ZNRF3: variants seen among roughly 807,000 people sequenced by gnomAD.
ZNRF3 encodes zinc and ring finger 3.
Under a neutral mutation model 72.5 loss-of-function variants are expected in ZNRF3, and 23 were observed. The ratio of observed to expected loss-of-function variants is 0.32; its 90% CI spans 0.23 to 0.45. The LOEUF (loss-of-function observed/expected upper bound fraction) is 0.45, where lower values mean the gene tolerates loss of function less well. Among genes scored for constraint, ZNRF3 ranks in the 20% least tolerant of loss-of-function variants. ZNRF3 has a pLI of 1.00. For synonymous variants in ZNRF3, 610 were observed against 545.3 expected (o/e 1.12, Z -1.65); for missense variants, 1,169 against 1,272.1 (o/e 0.92, Z 1.23).
At chr22:28,995,737 T>G (rs1398768650) in intron 2 of ZNRF3, among the ~76,000 whole-genome samples, 1 of 151,952 alleles carries the variant, frequency 6.6e-6, no homozygotes, top group Admixed American at 6.6e-5. Flanking sequence ...GTAGGGATTC[T>G]CAAGGTCTTT....
At chr22:28,917,321 G>A (rs1317904586) in intron 1 of ZNRF3, 14 of 529,202 alleles carry the variant, frequency 2.6e-5, no homozygotes, top group Non-Finnish European at 2.9e-5. Flanking sequence ...AGGTATGTGT[G>A]CTCTTGAGAG....
At chr22:28,974,792 C>G (rs910156591) in intron 1 of ZNRF3, among the ~76,000 whole-genome samples, 3 of 152,114 alleles carry the variant, frequency 2.0e-5, no homozygotes, top group Non-Finnish European at 4.4e-5. Flanking sequence ...ACCACAGGTG[C>G]ATGCCACCTA....
intron 2 of ZNRF3, among the ~76,000 whole-genome samples, chr22:29,005,472 G>T (rs1219134886): frequency 1.3e-5 from 2 of 152,214 alleles, no homozygotes; most frequent in Non-Finnish European, 2.9e-5. Flanking sequence ...TAAGCCCCTT[G>T]TAGGAAAAGA....
At chr22:28,899,167 T>A (rs1245972762) in intron 1 of ZNRF3, among the ~76,000 whole-genome samples, 2 of 152,172 alleles carry the variant, frequency 1.3e-5, no homozygotes, top group Admixed American at 1.3e-4. Context: ...TTTGGTGTTA[T>A]TAGGCTTAAA....
chr22:28,998,876 C>T (rs1037228907), intron 2 of ZNRF3, among the ~76,000 whole-genome samples: 2 of 152,156 alleles, frequency 1.3e-5, no homozygotes, highest in Admixed American at 1.3e-4. Flanking sequence ...GGCCACCTCC[C>T]AGGACTGGGG....
intron 1 of ZNRF3, among the ~76,000 whole-genome samples, chr22:28,902,072 G>C (rs1403192888): frequency 1.3e-5 from 2 of 151,558 alleles, no homozygotes. Context: ...GAGTAGCTGG[G>C]ATTACAGGTG....
chr22:28,998,808 ATAG>A (rs1201435138), intron 2 of ZNRF3, among the ~76,000 whole-genome samples: 4 of 152,214 alleles, frequency 2.6e-5, no homozygotes, highest in African/African-American at 9.6e-5. Context: ...AGTTTTGAAG[ATAG>A]AGTGAGTTAA....
chr22:28,899,775 G>A (rs1207566665), intron 1 of ZNRF3, among the ~76,000 whole-genome samples: 13 of 144,788 alleles, frequency 9.0e-5, no homozygotes, highest in African/African-American at 2.8e-4. Context: ...CTTTAGCCTC[G>A]ACCTCCTAGG....
intron 2 of ZNRF3, among the ~76,000 whole-genome samples, chr22:29,027,904 C>T (rs2036672684): frequency 6.6e-6 from 1 of 152,140 alleles, no homozygotes; most frequent in Non-Finnish European, 1.5e-5. Context: ...GCCAGCCTGG[C>T]TTTGGTAGGG....
At chr22:28,970,960 C>T (rs1404329844) in intron 1 of ZNRF3, among the ~76,000 whole-genome samples, 1 of 152,150 alleles carries the variant, frequency 6.6e-6, no homozygotes, top group Non-Finnish European at 1.5e-5. Flanking sequence ...ATGTCTGCAC[C>T]TGTCAAAACT....
rs368217739 is a variant in ZNRF3, at chr22:28,950,712, T to C, written c.301-36364T>C. 1.5e-4 allele frequency among the ~76,000 whole-genome samples: 23 copies of C among 152,350 alleles called. No individual in the cohort carries two copies. The East Asian group carries it at 4.2e-3, about 28-fold the overall frequency. ...TTAGAACGCTTGACTGATGTCTAGTTCAGGCCCAGGCCAGTGGCTGGCAAT... is the reference window on the plus strand; with the variant it reads ...TTAGAACGCTTGACTGATGTCTAGTCCAGGCCCAGGCCAGTGGCTGGCAAT... On this transcript the variant is annotated intron_variant, in intron 1 of 8. Coordinates refer to ENST00000544604, the MANE Select transcript of ZNRF3 (RefSeq NM_001206998.2).
Position 29,049,422 on chromosome 22 carries a change from C to A in ZNRF3, c.1241C>A (p.Ala414Asp). Residue 414 changes from alanine to aspartate, a missense_variant, in exon 8 of 9, where the codon GCC becomes GAC. By Grantham distance (126) the Ala-to-Asp change is moderately radical. This residue lies in a region of ZNRF3 where 783 missense variants were observed against 731.4 expected (regional missense o/e 1.07). Transcript: ENST00000544604. This position sits in a 1 kb window ranked among gnomAD's most constrained non-coding sequence, Gnocchi z 5.2. Reference protein sequence around the residue: ...EQSLYSPQTPAYIRSYPPLHL... With the variant: ...EQSLYSPQTPDYIRSYPPLHL... ...AGCCTCTATTCCCCGCAGACCCCCG[C>A]CTACATCCGCAGCTACCCACCCCTC... 6.2e-7 allele frequency: 1 copy of A among 1,607,624 alleles called. No individual in the cohort carries two copies. The highest frequency in any genetic ancestry group is 1.1e-5 in the South Asian group (1 of 90,890).
intron 2 of ZNRF3, among the ~76,000 whole-genome samples, chr22:29,020,251 T>TC (rs2036508420): frequency 1.9e-5 from 2 of 104,524 alleles, no homozygotes; most frequent in South Asian, 5.3e-4. Flanking sequence ...CAACCATCCT[T>TC]TTTTTTTTTT....
intron 2 of ZNRF3, among the ~76,000 whole-genome samples, chr22:28,989,386 T>C (rs570758352): frequency 6.6e-6 from 1 of 152,294 alleles, no homozygotes; most frequent in East Asian, 1.9e-4. Flanking sequence ...CCCCTCTTTC[T>C]CTCATCATCT....
At chr22:28,900,100 C>T (rs1226348697) in intron 1 of ZNRF3, among the ~76,000 whole-genome samples, 1 of 152,124 alleles carries the variant, frequency 6.6e-6, no homozygotes. Context: ...TGCCAACCTC[C>T]CTTGCCCTCT....
At chr22:29,011,724 C>CCTG (rs2036351683) in intron 2 of ZNRF3, among the ~76,000 whole-genome samples, 1 of 152,204 alleles carries the variant, frequency 6.6e-6, no homozygotes. Flanking sequence ...GAGGAACCAA[C>CCTG]CTGCTGGGAG....
chr22:28,994,453 TG>T (rs1285560819), intron 2 of ZNRF3, among the ~76,000 whole-genome samples: 1 of 151,922 alleles, frequency 6.6e-6, no homozygotes, highest in Non-Finnish European at 1.5e-5. Flanking sequence ...CCTCCCAAAG[TG>T]CTGGGATTAC....
rs1410823641 is a variant in ZNRF3, at chr22:29,056,747, T to TTCTAGAACCAGCTAAAAAAACACCTTG, written c.*3126_*3127insCTAGAACCAGCTAAAAAAACACCTTGT. ...TTCTAGAACCAGCTAAAAATGGAAG[T>TTCTAGAACCAGCTAAAAAAACACCTTG]TTGGGTGTTTACCAACAAGGTACCT... On this transcript the variant is annotated 3_prime_UTR_variant, in exon 9 of 9. Coordinates refer to ENST00000544604, the MANE Select transcript of ZNRF3 (RefSeq NM_001206998.2). 3 of 152,152 alleles carry TTCTAGAACCAGCTAAAAAAACACCTTG rather than the reference T, an allele frequency of 2.0e-5. No individual in the cohort carries two copies. In the East Asian group the frequency reaches 5.8e-4, roughly 29 times the overall value. The allele number at this position is 152,152 out of a possible 1,614,324, so 9.4% of individuals were successfully genotyped here.
At chr22:28,944,940 A>C (rs1768768184) in intron 1 of ZNRF3, among the ~76,000 whole-genome samples, 1 of 148,220 alleles carries the variant, frequency 6.7e-6, no homozygotes, top group South Asian at 2.2e-4. Flanking sequence ...TAAATAAATA[A>C]ATAAATAAAT....
Sources: gnomAD v4.1 joint callset for allele counts (sites outside exome capture counted in the v4.1 genomes callset) on GRCh38, gnomAD v4.1.1 for gene constraint, gnomAD v4.1.1 regional missense constraint, Gnocchi (gnomAD v3.1) non-coding constraint, MANE v1.5 for transcripts, NCBI Gene and HGNC (gene_info 2026-07-23, HGNC 2026-07-21) for gene names.